Variants in KIAA0319L observed in about 807,000 individuals in gnomAD.
The protein encoded by KIAA0319L is dyslexia-associated protein KIAA0319-like protein.
In KIAA0319L, 55 loss-of-function variants were observed where a neutral mutation model predicts 120.1. The observed-to-expected ratio is 0.46, with a 90% CI of 0.37 to 0.57. The LOEUF (loss-of-function observed/expected upper bound fraction) is 0.57, where lower values mean the gene tolerates loss of function less well. KIAA0319L is among the 20% of genes least tolerant of loss of function. The probability of loss-of-function intolerance (pLI) is 0.00; values close to 1 mark genes in which losing one functional copy is unlikely to be tolerated. For missense variants in KIAA0319L, 1,049 were observed against 1,255.3 expected (o/e 0.84, Z 2.48); for synonymous variants, 398 against 471.9 (o/e 0.84, Z 2.03).
intron 1 of KIAA0319L, chr1:35,554,850 C>T (rs566973777): frequency 1.8e-4 from 30 of 162,830 alleles, no homozygotes; most frequent in South Asian, 5.8e-4. Flanking sequence ...GTTTTAGTTG[C>T]AGTTCTGCTA....
At chr1:35,528,343 A>G (rs984530137) in intron 2 of KIAA0319L, among the ~76,000 whole-genome samples, 1 of 152,094 alleles carries the variant, frequency 6.6e-6, no homozygotes. Context: ...CAGCCTCCCA[A>G]AGTGTTTCAA....
chr1:35,450,920 T>C lies in KIAA0319L; in HGVS notation c.2063-411A>G, dbSNP rs576515319. Among the ~76,000 whole-genome samples, 7 of 152,386 alleles carry C rather than the reference T, an allele frequency of 4.6e-5. No individual in the cohort carries two copies. In the South Asian group the frequency reaches 1.2e-3, roughly 27 times the overall value. On this transcript the variant is annotated intron_variant, in intron 13 of 20. Transcript: ENST00000325722. ...CAAAATATCTTAAAATGTTATTCTC[T>C]GAATATCTTTTTGGACCCCTTCCTT...
chr1:35,460,274 A>G (rs1454436724), intron 9 of KIAA0319L, 31 bp downstream of exon 9: 3 of 1,596,064 alleles, frequency 1.9e-6, no homozygotes, highest in Admixed American at 1.8e-5. Context: ...AAAATGGCCT[A>G]TGGTAAACTT....
intron 10 of KIAA0319L, chr1:35,454,851 TAA>T: frequency 4.9e-6 from 1 of 205,368 alleles, no homozygotes; most frequent in Non-Finnish European, 1.0e-5. Flanking sequence ...AAACACTGTT[TAA>T]AAAGATCCTC....
intron 2 of KIAA0319L, among the ~76,000 whole-genome samples, chr1:35,534,716 G>A (rs564900993): frequency 6.8e-4 from 103 of 151,856 alleles, no homozygotes; most frequent in African/African-American, 1.8e-3. Flanking sequence ...AAAATTAGCC[G>A]GGCGTGGTGG....
At chr1:35,454,568 A>G in intron 10 of KIAA0319L, 83 bp from the exon 11 acceptor site, 1 of 1,567,818 alleles carries the variant, frequency 6.4e-7, no homozygotes. Flanking sequence ...AAAACGATTT[A>G]GTTTTCTAAA....
intron 20 of KIAA0319L, among the ~76,000 whole-genome samples, chr1:35,438,259 C>T (rs1461849291): frequency 1.3e-5 from 2 of 152,180 alleles, no homozygotes; most frequent in African/African-American, 4.8e-5. Context: ...TTGATCTCCA[C>T]CATTTCTTCT....
rs1337689337 is a variant in KIAA0319L, at chr1:35,437,829, A to G, written c.2963-2748T>C. Among the ~76,000 whole-genome samples, 1 of 152,002 alleles carries G rather than the reference A, an allele frequency of 6.6e-6. No individual in the cohort carries two copies. Among genetic ancestry groups the G allele is most frequent in the Non-Finnish European group, 1.5e-5 (1 of 68,008 alleles). On this transcript the variant is annotated intron_variant, in intron 20 of 20. Transcript: ENST00000325722. The surrounding 1 kb of genome is among the most constrained non-coding windows in gnomAD (Gnocchi z 4.1). ...GGGAGATTCCTATTTCTACAGTTCC[A>G]TGTCTGACTCTTCTGCTGAGTTCCA...
chr1:35,458,765 T>C (rs1207272437), intron 9 of KIAA0319L, among the ~76,000 whole-genome samples: 1 of 152,204 alleles, frequency 6.6e-6, no homozygotes, highest in African/African-American at 2.4e-5. Flanking sequence ...TCAGCTATCA[T>C]TGTTACTATG....
At chr1:35,505,107 G>A (rs10908398) in intron 3 of KIAA0319L, among the ~76,000 whole-genome samples, 11,907 of 151,884 alleles carry the variant, frequency 0.078, 1,124 homozygotes, top group East Asian at 0.44. Context: ...ATGCTTTCAC[G>A]GCACTCTGTA....
intron 7 of KIAA0319L, among the ~76,000 whole-genome samples, chr1:35,464,155 T>C (rs1643093585): frequency 6.6e-6 from 1 of 152,158 alleles, no homozygotes; most frequent in Admixed American, 6.5e-5. Flanking sequence ...TCCAAAAATG[T>C]GGAAGCAACT....
chr1:35,500,939 CA>C (rs1412535756), intron 3 of KIAA0319L, among the ~76,000 whole-genome samples: 1 of 151,740 alleles, frequency 6.6e-6, no homozygotes, highest in East Asian at 1.9e-4. Context: ...CACTTTGCCC[CA>C]TTTTTTTTTT....
chr1:35,550,507 C>T (rs1486906537), intron 2 of KIAA0319L, among the ~76,000 whole-genome samples: 1 of 151,948 alleles, frequency 6.6e-6, no homozygotes, highest in Non-Finnish European at 1.5e-5. Flanking sequence ...TACAAGTATA[C>T]CAAAGAAAGG....
In KIAA0319L at chr1:35,474,871, C is replaced by T. The variant is rs1643846275; in HGVS notation, c.949G>A (p.Val317Ile). The change falls in exon 5 of 21, where the codon GTC becomes ATC. Residue 317 changes from valine to isoleucine, a missense_variant. Physicochemically the swap from Val to Ile is conservative, Grantham distance 29 (BLOSUM62 3). Transcript: ENST00000325722. ...TCATTCTTAGGCAGGGTTATCTGGACACTCTCTCCAGCAGATACCACCAGT... is the reference window on the plus strand; with the variant it reads ...TCATTCTTAGGCAGGGTTATCTGGATACTCTCTCCAGCAGATACCACCAGT... Reference protein sequence around the residue: ...KELVVSAGESVQITLPKNEVQ... With the variant: ...KELVVSAGESIQITLPKNEVQ... 1.2e-6 allele frequency: 2 copies of T among 1,609,786 alleles called. No homozygotes were observed. Among genetic ancestry groups the T allele is most frequent in the African/African-American group, 1.3e-5 (1 of 74,810 alleles).
intron 3 of KIAA0319L, among the ~76,000 whole-genome samples, chr1:35,480,262 T>C (rs1644108087): frequency 6.6e-6 from 1 of 152,142 alleles, no homozygotes; most frequent in Non-Finnish European, 1.5e-5. Context: ...AAAGACCAGA[T>C]GGAAAAAAGC....
At chr1:35,516,268 T>G (rs1309491119) in intron 2 of KIAA0319L, among the ~76,000 whole-genome samples, 1 of 152,134 alleles carries the variant, frequency 6.6e-6, no homozygotes, top group Non-Finnish European at 1.5e-5. Flanking sequence ...TTCAGGCCAA[T>G]ATCCTTGATG....
chr1:35,454,534 C>A, intron 10 of KIAA0319L, 49 bp from the exon 11 acceptor site: 1 of 1,605,850 alleles, frequency 6.2e-7, no homozygotes, highest in South Asian at 1.1e-5. Context: ...GGAATCACAT[C>A]ACACAATAAT....
Position 35,454,390 on chromosome 1 carries a change from AG to A in KIAA0319L, c.1751del (p.Thr584MetfsTer4). On this transcript the variant is annotated frameshift_variant, in exon 11 of 21. Coordinates refer to ENST00000325722, the MANE Select transcript of KIAA0319L (RefSeq NM_024874.5). LOFTEE classifies it high-confidence loss of function. ...TVTDTIGQQA[T>X]AQVTVIVQPE... ...GTTGCACAATAACAGTCACTTGAGC[AG>A]TGGCCTGCTGTCCTATTGTGTCAGT... 1.2e-6 allele frequency: 2 copies of A among 1,614,118 alleles called. No homozygotes were observed. The highest frequency in any genetic ancestry group is 1.7e-6 in the Non-Finnish European group (2 of 1,179,956).
intron 3 of KIAA0319L, among the ~76,000 whole-genome samples, chr1:35,482,237 T>A (rs1222057990): frequency 6.6e-6 from 1 of 152,200 alleles, no homozygotes; most frequent in Non-Finnish European, 1.5e-5. Context: ...AGAAAAATTA[T>A]TTTGTATGAA....
Sources: allele counts gnomAD v4.1 joint callset (sites outside exome capture counted in the v4.1 genomes callset), GRCh38; gene constraint gnomAD v4.1.1; non-coding constraint Gnocchi (gnomAD v3.1); transcripts MANE v1.5; gene names NCBI Gene and HGNC (gene_info 2026-07-23, HGNC 2026-07-21).